TRMT44: variants seen among roughly 807,000 people sequenced by gnomAD.
The protein encoded by TRMT44 is tRNA methyltransferase 44 homolog, also known as probable tRNA (uracil-O(2)-)-methyltransferase.
Under a neutral mutation model 77.3 loss-of-function variants are expected in TRMT44, and 78 were observed. The observed-to-expected ratio is 1.01, with a 90% CI of 0.84 to 1.22. The LOEUF (loss-of-function observed/expected upper bound fraction) is 1.22. TRMT44 is among the 50% of genes most tolerant of loss of function. The probability of loss-of-function intolerance (pLI) is 0.00; values close to 1 mark genes in which losing one functional copy is unlikely to be tolerated. For missense variants in TRMT44, 1,090 were observed against 964.4 expected (o/e 1.13, Z -1.73); for synonymous variants, 391 against 383.3 (o/e 1.02, Z -0.23).
Position 8,451,827 on chromosome 4 carries a change from C to A in TRMT44, c.955-133C>A. On this transcript the variant is annotated intron_variant, in intron 3 of 10. Coordinates refer to ENST00000389737, the MANE Select transcript of TRMT44 (RefSeq NM_152544.3). This position sits in a 1 kb window ranked among gnomAD's most constrained non-coding sequence, Gnocchi z 4.1. ...TAAGAAACCAGTTGTGAATTCCTGC[C>A]TTTGAGCTTATGTTTCCTATTTTAG... The A allele has an allele frequency of 1.3e-6, 1 of 783,256 alleles. No homozygotes were observed. The highest frequency in any genetic ancestry group is 2.1e-6 in the Non-Finnish European group (1 of 480,856). 48.5% of individuals were successfully genotyped at this position (783,256 alleles called of 1,614,324 possible).
chr4:8,489,461 G>A (rs528343132), intron 2 of TRMT44, among the ~76,000 whole-genome samples: 25 of 32,750 alleles, frequency 7.6e-4, no homozygotes, highest in East Asian at 1.7e-3. Flanking sequence ...TTTTGTTTTC[G>A]TTTTGTTTTG....
intron 3 of TRMT44, among the ~76,000 whole-genome samples, chr4:8,450,453 A>T (rs1725366732): frequency 6.6e-6 from 1 of 152,182 alleles, no homozygotes; most frequent in Non-Finnish European, 1.5e-5. Flanking sequence ...GAAAAAAAAA[A>T]TGGCTAAATT....
At chr4:8,477,659 C>G (rs1727460006), downstream of TRMT44, 1 of 152,828 alleles carries the variant, frequency 6.5e-6, no homozygotes, top group African/African-American at 2.4e-5. Flanking sequence ...TCCCCAGCCC[C>G]TGTGTTAGGC....
At chr4:8,449,299 A>G (rs1024682277) in intron 2 of TRMT44, among the ~76,000 whole-genome samples, 31 of 152,264 alleles carry the variant, frequency 2.0e-4, no homozygotes, top group African/African-American at 7.5e-4. Context: ...GTGAGCCAGT[A>G]TACTCATTTG....
chr4:8,458,646 G>A (rs1302668047), intron 6 of TRMT44, among the ~76,000 whole-genome samples: 8 of 151,098 alleles, frequency 5.3e-5, no homozygotes, highest in African/African-American at 1.9e-4. Context: ...GTAGAGATGG[G>A]GTTTCACCAT....
At chr4:8,460,938 C>T (rs990422791) in intron 6 of TRMT44, among the ~76,000 whole-genome samples, 10 of 152,204 alleles carry the variant, frequency 6.6e-5, no homozygotes, top group African/African-American at 2.2e-4. Context: ...TGGCCTCAAC[C>T]TTCTGGACTG....
At chr4:8,472,356 T>C (rs1319040164) in intron 10 of TRMT44, among the ~76,000 whole-genome samples, 1 of 152,204 alleles carries the variant, frequency 6.6e-6, no homozygotes, top group Non-Finnish European at 1.5e-5. Context: ...ACAGCCGCCA[T>C]GACCAGGAAA....
At chr4:8,498,885 C>G in the TRMT44 span, among the ~76,000 whole-genome samples, 2 of 152,134 alleles carry the variant, frequency 1.3e-5, no homozygotes. The surrounding 1 kb of genome is among the most constrained non-coding windows in gnomAD (Gnocchi z 4.3). Flanking sequence ...CCACGGGGCC[C>G]TCTATATTTG....
intron 2 of TRMT44, among the ~76,000 whole-genome samples, chr4:8,448,412 T>G (rs1201304702): frequency 6.6e-6 from 1 of 152,128 alleles, no homozygotes; most frequent in Non-Finnish European, 1.5e-5. Context: ...CTGTGTCCCC[T>G]CAATAGAAAC....
Position 8,476,166 on chromosome 4 carries a change from C to A in TRMT44, c.*165C>A, listed in dbSNP as rs572722325. 9 of 668,390 alleles carry A rather than the reference C, an allele frequency of 1.3e-5. No homozygotes were observed. The South Asian group carries it at 1.7e-4, about 13-fold the overall frequency. The allele number at this position is 668,390 out of a possible 1,614,324, so 41.4% of individuals were successfully genotyped here. A position where few individuals can be genotyped will look rare whatever the true frequency, so the allele number is the denominator to read the frequency against. On this transcript the variant is annotated 3_prime_UTR_variant, in exon 11 of 11. Transcript: ENST00000389737. ...TGAACCGTATTTCATAAACATCACA[C>A]GCCAGAGAAGCCACAGTTACTCGGA...
At chr4:8,460,773 G>C (rs752950602) in intron 6 of TRMT44, among the ~76,000 whole-genome samples, 110 of 152,228 alleles carry the variant, frequency 7.2e-4, no homozygotes, top group Non-Finnish European at 1.3e-3. Context: ...AGGCTGATCT[G>C]GCTCTGGCCT....
chr4:8,448,565 G>A (rs1725212372), intron 2 of TRMT44, among the ~76,000 whole-genome samples: 1 of 152,252 alleles, frequency 6.6e-6, no homozygotes, highest in South Asian at 2.1e-4. Context: ...CGCCCCTTGG[G>A]CAGAATCTCT....
At chr4:8,515,540 G>A in the TRMT44 span, among the ~76,000 whole-genome samples, 1 of 152,366 alleles carries the variant, frequency 6.6e-6, no homozygotes, top group South Asian at 2.1e-4. Context: ...GGCAGGGCCA[G>A]GGCTGTGGGA....
chr4:8,448,516 C>T (rs1725208148), intron 2 of TRMT44, among the ~76,000 whole-genome samples: 1 of 152,188 alleles, frequency 6.6e-6, no homozygotes, highest in Non-Finnish European at 1.5e-5. Context: ...CTCTGGGGGA[C>T]CCTGGGGAAG....
intron 10 of TRMT44, among the ~76,000 whole-genome samples, chr4:8,473,981 C>A (rs1457075406): frequency 1.3e-5 from 2 of 152,338 alleles, no homozygotes; most frequent in African/African-American, 4.8e-5. Flanking sequence ...TCCTTAGACA[C>A]CCTGCAGGTC....
At chr4:8,458,026 G>C (rs979710381) in intron 6 of TRMT44, among the ~76,000 whole-genome samples, 1 of 152,204 alleles carries the variant, frequency 6.6e-6, no homozygotes, top group African/African-American at 2.4e-5. Flanking sequence ...AGCGCCAGAT[G>C]ATGAGGAAGA....
chr4:8,454,714 C>T (rs62287384), intron 5 of TRMT44, 28 bp from the exon 6 acceptor site: 54,270 of 1,610,018 alleles, frequency 0.034, 1,050 homozygotes, highest in Middle Eastern at 0.047. Flanking sequence ...TAAGGTTAAC[C>T]TTTGATTTCT....
intron 2 of TRMT44, among the ~76,000 whole-genome samples, chr4:8,490,936 C>A (rs565926918): frequency 6.6e-6 from 1 of 152,054 alleles, no homozygotes; most frequent in African/African-American, 2.4e-5. Flanking sequence ...TACAGAGTAT[C>A]GACACAAAGG....
chr4:8,490,320 A>G (rs1577069137), intron 2 of TRMT44, among the ~76,000 whole-genome samples: 1 of 152,334 alleles, frequency 6.6e-6, no homozygotes, highest in South Asian at 2.1e-4. Flanking sequence ...TGAGTGTTAC[A>G]GCTCTTAAGG....
Sources: allele counts gnomAD v4.1 joint callset (sites outside exome capture counted in the v4.1 genomes callset), GRCh38; gene constraint gnomAD v4.1.1; non-coding constraint Gnocchi (gnomAD v3.1); transcripts MANE v1.5; gene names NCBI Gene and HGNC (gene_info 2026-07-23, HGNC 2026-07-21).